Variants in PCDHA13 observed in about 807,000 individuals in gnomAD.
PCDHA13 encodes the protein protocadherin alpha 13.
Under a neutral mutation model 64.8 loss-of-function variants are expected in PCDHA13, and 54 were observed. That is an observed-to-expected ratio of 0.83 (90% CI 0.67 to 1.04). The LOEUF (loss-of-function observed/expected upper bound fraction) is 1.04. PCDHA13 is among the 50% of genes least tolerant of loss of function. The pLI, the probability that PCDHA13 is intolerant of heterozygous loss-of-function variation, is 0.00. For missense variants in PCDHA13, 1,248 were observed against 1,254.3 expected (o/e 0.99, Z 0.08); for synonymous variants, 587 against 564.4 (o/e 1.04, Z -0.57).
At chr5:140,974,808 G>A (rs1229375180) in intron 1 of PCDHA13, among the ~76,000 whole-genome samples, 1 of 152,090 alleles carries the variant, frequency 6.6e-6, no homozygotes, top group Non-Finnish European at 1.5e-5. Context: ...TATACTAGAA[G>A]ACCAATATGC....
chr5:140,906,930 G>A (rs1006674722), intron 1 of PCDHA13, among the ~76,000 whole-genome samples: 3 of 152,246 alleles, frequency 2.0e-5, no homozygotes, highest in Non-Finnish European at 4.4e-5. Flanking sequence ...AAAGTGTCCC[G>A]GTGTCAATCT....
chr5:140,917,331 G>T (rs1256665914), intron 1 of PCDHA13, among the ~76,000 whole-genome samples: 12 of 137,574 alleles, frequency 8.7e-5, no homozygotes, highest in African/African-American at 3.0e-4. Context: ...TGGCGGGGGA[G>T]GGGGGGGATG....
chr5:140,918,899 C>G (rs2078917474), intron 1 of PCDHA13, among the ~76,000 whole-genome samples: 1 of 152,206 alleles, frequency 6.6e-6, no homozygotes, highest in African/African-American at 2.4e-5. Context: ...AAATAAATCT[C>G]TCTTGTTTAT....
chr5:140,986,220 T>C (rs2097190951), intron 3 of PCDHA13, among the ~76,000 whole-genome samples: 1 of 152,194 alleles, frequency 6.6e-6, no homozygotes, highest in African/African-American at 2.4e-5. Flanking sequence ...CCCCTTTCTC[T>C]AGCCTCCCCT....
intron 1 of PCDHA13, among the ~76,000 whole-genome samples, chr5:140,898,157 G>A (rs1455235992): frequency 1.3e-5 from 2 of 152,162 alleles, no homozygotes; most frequent in South Asian, 4.1e-4. Context: ...CACGCTGATG[G>A]TGGTTTCTTT....
intron 1 of PCDHA13, among the ~76,000 whole-genome samples, chr5:140,945,952 G>A (rs2093866662): frequency 6.6e-6 from 1 of 151,910 alleles, no homozygotes; most frequent in African/African-American, 2.4e-5. Context: ...ATATGACCCT[G>A]AAAGCACAGG....
chr5:140,933,694 C>A lies in PCDHA13; in HGVS notation c.2395-45255C>A, dbSNP rs782754431. On this transcript the variant is annotated intron_variant, in intron 1 of 3. Coordinates refer to ENST00000289272, the MANE Select transcript of PCDHA13 (RefSeq NM_018904.3). ...CTCTCACATTTTTTTTCCTATTCCT[C>A]GGACACATTTACTGAGATTGGTGAT... 5.3e-5 allele frequency among the ~76,000 whole-genome samples: 8 copies of A among 151,858 alleles called. No homozygotes were observed. In the South Asian group the frequency reaches 1.7e-3, roughly 31 times the overall value.
intron 3 of PCDHA13, among the ~76,000 whole-genome samples, chr5:140,985,770 C>T (rs1456292041): frequency 1.5e-5 from 2 of 132,222 alleles, no homozygotes; most frequent in African/African-American, 2.8e-5. Flanking sequence ...GAGACAGTCT[C>T]GCTCTGTCGC....
At position 140,883,575 on chromosome 5, in the gene PCDHA13, GGGCCAC is replaced by G. The variant is rs1239547262; in HGVS notation, c.1313_1318del (p.Thr438_Ala439del). On this transcript the variant is annotated inframe_deletion, in exon 1 of 4. Transcript: ENST00000289272. ...CGGGACGGGGGCTCGCCTTCGCTGT[GGGCCAC>G]GGCCAGCGTGTCGGTGGGGGTGGCC... The G allele has an allele frequency of 6.2e-7, 1 of 1,613,954 alleles. No individual in the cohort carries two copies. The highest frequency in any genetic ancestry group is 1.3e-5 in the African/African-American group (1 of 74,944).
At chr5:140,917,330 A>G (rs155802) in intron 1 of PCDHA13, among the ~76,000 whole-genome samples, 15,235 of 96,446 alleles carry the variant, frequency 0.16, 1,247 homozygotes, top group East Asian at 0.38. Context: ...GTGGCGGGGG[A>G]GGGGGGGGAT....
At chr5:140,895,835 A>G (rs782780692) in intron 1 of PCDHA13, among the ~76,000 whole-genome samples, 3 of 152,096 alleles carry the variant, frequency 2.0e-5, no homozygotes, top group Non-Finnish European at 4.4e-5. Context: ...TTTTCAGACA[A>G]AGTCTCACTC....
At chr5:140,923,364 A>C (rs1414879540) in intron 1 of PCDHA13, among the ~76,000 whole-genome samples, 1 of 152,106 alleles carries the variant, frequency 6.6e-6, no homozygotes, top group African/African-American at 2.4e-5. Flanking sequence ...TATCTTTATA[A>C]AATATTTTTA....
At chr5:140,918,977 AG>A (rs1226723076) in intron 1 of PCDHA13, among the ~76,000 whole-genome samples, 6 of 152,192 alleles carry the variant, frequency 3.9e-5, no homozygotes, top group African/African-American at 1.4e-4. Context: ...CGTTTAGGTT[AG>A]TTGGTTTTTA....
chr5:140,883,246 AAATATTCCAATGGCGGG>A lies in PCDHA13; in HGVS notation c.979_995del (p.Asn327SerfsTer13). The A allele has an allele frequency of 6.2e-7, 1 of 1,614,082 alleles. No individual in the cohort carries two copies. Among genetic ancestry groups the A allele is most frequent in the Admixed American group, 1.7e-5 (1 of 59,994 alleles). On this transcript the variant is annotated frameshift_variant, in exon 1 of 4. Coordinates refer to ENST00000289272, the MANE Select transcript of PCDHA13 (RefSeq NM_018904.3). LOFTEE classifies it high-confidence loss of function. Reference sequence around the variant, plus strand: ...TATCCGTGGAGGCAGTTGACAAAGGAAATATTCCAATGGCGGGTCATTGTACCCTTTTGGTGGAAGTA... The same window carrying A: ...TATCCGTGGAGGCAGTTGACAAAGGATCATTGTACCCTTTTGGTGGAAGTA...
chr5:140,991,308 C>T (rs374484318), intron 3 of PCDHA13, among the ~76,000 whole-genome samples: 1 of 152,282 alleles, frequency 6.6e-6, no homozygotes, highest in South Asian at 2.1e-4. Flanking sequence ...ATTATCTTGT[C>T]CCGCATGATA....
chr5:140,979,408 G>GTT (rs558051720), intron 2 of PCDHA13, among the ~76,000 whole-genome samples: 2 of 147,646 alleles, frequency 1.4e-5, no homozygotes, highest in African/African-American at 2.5e-5. Context: ...TGTCTACCTT[G>GTT]TTTTTTTTTT....
chr5:141,002,656 C>T lies in PCDHA13; in HGVS notation c.2543-6971C>T, dbSNP rs115710244. Among the ~76,000 whole-genome samples the T allele has an allele frequency of 3.7e-3, 571 of 152,302 alleles. 5 individuals are homozygous for T. The highest frequency in any genetic ancestry group is 0.013 in the African/African-American group (539 of 41,574). On this transcript the variant is annotated intron_variant, in intron 3 of 3. Coordinates refer to ENST00000289272, the MANE Select transcript of PCDHA13 (RefSeq NM_018904.3). The stretch of plus-strand genomic sequence containing the variant: ...CTAGAAATGTCTACTTCATAGGGCT[C>T]TTGTCAGGACCAAAACCTATACGAC...
intron 1 of PCDHA13, among the ~76,000 whole-genome samples, chr5:140,961,697 T>A (rs1326642906): frequency 6.6e-6 from 1 of 152,232 alleles, no homozygotes; most frequent in Non-Finnish European, 1.5e-5. Flanking sequence ...GTCCTTAGTA[T>A]GAATGCCTTC....
intron 1 of PCDHA13, among the ~76,000 whole-genome samples, chr5:140,952,977 C>G (rs148504111): frequency 6.6e-6 from 1 of 152,064 alleles, no homozygotes; most frequent in East Asian, 1.9e-4. Flanking sequence ...TTTTAAACAA[C>G]AAGATCTCAT....
Sources: gnomAD v4.1 joint callset for allele counts (sites outside exome capture counted in the v4.1 genomes callset) on GRCh38, gnomAD v4.1.1 for gene constraint, MANE v1.5 for transcripts, NCBI Gene and HGNC (gene_info 2026-07-23, HGNC 2026-07-21) for gene names.